The following ITGAE variants were observed in gnomAD, a reference collection of about 807,000 sequenced individuals.
The protein encoded by ITGAE is integrin alpha-E.
ITGAE carries 99 observed loss-of-function variants against 136.5 expected under a neutral mutation model. That is an observed-to-expected ratio of 0.73 (90% CI 0.62 to 0.86). ITGAE has a LOEUF of 0.86. Ranked by LOEUF, ITGAE falls within the 40% of genes least tolerant of loss-of-function variation. The pLI, the probability that ITGAE is intolerant of heterozygous loss-of-function variation, is 0.00. For missense variants in ITGAE, 1,447 were observed against 1,515.3 expected, an observed-to-expected ratio of 0.95 and a Z score of 0.75; for synonymous variants, 613 against 591.8, an observed-to-expected ratio of 1.04 and a Z score of -0.52.
At chr17:3,760,949 G>C in intron 6 of ITGAE, 64 bp downstream of exon 6, 1 of 1,547,184 alleles carries the variant, frequency 6.5e-7, no homozygotes, top group Non-Finnish European at 8.7e-7. Flanking sequence ...CTCACCCTTG[G>C]AGGCCACCAG....
intron 15 of ITGAE, among the ~76,000 whole-genome samples, chr17:3,750,803 G>A (rs975784399): frequency 8.6e-5 from 13 of 152,014 alleles, no homozygotes; most frequent in African/African-American, 3.1e-4. Context: ...TTGATGTGGG[G>A]CTTGGGGATG....
chr17:3,733,825 T>C (rs1278214830), intron 21 of ITGAE, among the ~76,000 whole-genome samples: 2 of 152,210 alleles, frequency 1.3e-5, no homozygotes, highest in Non-Finnish European at 2.9e-5. Context: ...AGTCCTGTTT[T>C]GATGGTAAAG....
chr17:3,757,647 C>T, intron 9 of ITGAE, 59 bp downstream of exon 9: 1 of 1,583,458 alleles, frequency 6.3e-7, no homozygotes, highest in Non-Finnish European at 8.6e-7. Flanking sequence ...ACAACCCTGG[C>T]TTCTCCCCAC....
intron 10 of ITGAE, 62 bp from the exon 11 acceptor site, chr17:3,755,959 G>T: frequency 6.7e-7 from 1 of 1,500,256 alleles, no homozygotes; most frequent in South Asian, 1.2e-5. Flanking sequence ...AACTGAGTCA[G>T]GGGACAGTCC....
At chr17:3,790,884 G>C (rs1049506142) in intron 1 of ITGAE, among the ~76,000 whole-genome samples, 2 of 152,112 alleles carry the variant, frequency 1.3e-5, no homozygotes, top group African/African-American at 4.8e-5. Context: ...GCCGGGCATG[G>C]TGGCTCACGC....
At chr17:3,725,227 G>A in intron 26 of ITGAE, 1 of 1,614,168 alleles carries the variant, frequency 6.2e-7, no homozygotes, top group Non-Finnish European at 8.5e-7. Flanking sequence ...AGAACAAGTG[G>A]TGCTCCGTCC....
chr17:3,756,359 A>G (rs1224298718), intron 10 of ITGAE, among the ~76,000 whole-genome samples: 1 of 149,534 alleles, frequency 6.7e-6, no homozygotes, highest in African/African-American at 2.5e-5. Flanking sequence ...TAGCTTCCCA[A>G]GTAGCTGGGA....
At chr17:3,767,091 CTTT>C (rs774955924) in intron 2 of ITGAE, among the ~76,000 whole-genome samples, 3 of 142,470 alleles carry the variant, frequency 2.1e-5, no homozygotes, top group Non-Finnish European at 3.1e-5. Flanking sequence ...TCTCCAAATT[CTTT>C]TTTTTTTTTT....
intron 14 of ITGAE, among the ~76,000 whole-genome samples, chr17:3,752,760 A>C (rs1340065855): frequency 6.6e-6 from 1 of 151,688 alleles, no homozygotes; most frequent in Admixed American, 6.6e-5. Context: ...CGGAAAAAAA[A>C]AAAAAAATGC....
Position 3,750,424 on chromosome 17 carries a change from C to T in ITGAE, c.1952G>A (p.Gly651Asp), listed in dbSNP as rs199628689. 2.7e-5 allele frequency: 43 copies of T among 1,614,238 alleles called. No homozygotes were observed. The highest frequency in any genetic ancestry group is 3.6e-5 in the Non-Finnish European group (42 of 1,180,052). Residue 651 changes from glycine to aspartate, a missense_variant, in exon 16 of 31, where the codon GGT becomes GAT. Transcript: ENST00000263087. The part of the protein sequence containing the change: ...GLQYFGMSMA[G>D]GFDISGDGLA... The stretch of plus-strand genomic sequence containing the variant: ...GCCGTCGCCACTAATATCAAAGCCA[C>T]CAGCCATGGACATGCCGAAGTACTG...
chr17:3,717,075 C>T (rs2293882), intron 29 of ITGAE: 139,145 of 324,734 alleles, frequency 0.43, 33,291 homozygotes, highest in South Asian at 0.59. Context: ...GTTAAAGATG[C>T]TCTGACAGCT....
At chr17:3,721,031 T>G (rs1165371859) in intron 28 of ITGAE, among the ~76,000 whole-genome samples, 3 of 152,030 alleles carry the variant, frequency 2.0e-5, no homozygotes, top group African/African-American at 7.2e-5. Context: ...CAGGCTCAAG[T>G]GATCCTCCCA....
In ITGAE at chr17:3,724,694, C is replaced by T. The variant is rs755108075; in HGVS notation, c.3085-950G>A. 11 of 1,614,180 alleles carry T rather than the reference C, an allele frequency of 6.8e-6. No homozygotes were observed. The East Asian group carries it at 1.8e-4, about 26-fold the overall frequency. ...TCTTTGGCCTTATGAACTCAGGAAC[C>T]CCTGAGGATTCTGAGTTTCGGGCAG... On this transcript the variant is annotated intron_variant, in intron 26 of 30. Coordinates refer to ENST00000263087, the MANE Select transcript of ITGAE (RefSeq NM_002208.5).
intron 8 of ITGAE, 81 bp downstream of exon 8, chr17:3,759,321 C>A: frequency 6.6e-7 from 1 of 1,522,908 alleles, no homozygotes; most frequent in South Asian, 1.2e-5. Context: ...TCCTGCGGTT[C>A]TGGCCAGCCA....
intron 19 of ITGAE, 112 bp from the exon 20 acceptor site, chr17:3,739,990 A>G: frequency 1.2e-6 from 1 of 808,738 alleles, no homozygotes; most frequent in Non-Finnish European, 2.2e-6. Context: ...GCTCACCCTG[A>G]GAAGTGCAGT....
intron 15 of ITGAE, among the ~76,000 whole-genome samples, chr17:3,751,070 G>A (rs1225429262): frequency 6.6e-6 from 1 of 151,988 alleles, no homozygotes; most frequent in African/African-American, 2.4e-5. Flanking sequence ...GACTGTCTGA[G>A]GTTTCCGGTG....
chr17:3,722,936 C>A (rs1031462253), intron 28 of ITGAE, among the ~76,000 whole-genome samples: 4 of 152,182 alleles, frequency 2.6e-5, no homozygotes, highest in African/African-American at 9.7e-5. Flanking sequence ...GTTATTGCAA[C>A]AGCCCTGGCA....
Position 3,796,775 on chromosome 17 carries a change from C to A in ITGAE, c.34+4336G>T, listed in dbSNP as rs373943134. ...TCTCCCCTCAACCCTCTGTCTCCCCCAGCACACCGGGCAATTTCAACTCAC... is the reference window on the plus strand; with the variant it reads ...TCTCCCCTCAACCCTCTGTCTCCCCAAGCACACCGGGCAATTTCAACTCAC... On this transcript the variant is annotated intron_variant, in intron 1 of 30. Transcript: ENST00000263087. Among the ~76,000 whole-genome samples, 28 of 152,268 alleles carry A rather than the reference C, an allele frequency of 1.8e-4. No homozygotes were observed. In the East Asian group the frequency reaches 3.7e-3, roughly 20 times the overall value.
chr17:3,776,992 G>T (rs561530193), intron 2 of ITGAE, among the ~76,000 whole-genome samples: 3 of 139,840 alleles, frequency 2.1e-5, no homozygotes, highest in Non-Finnish European at 4.5e-5. Flanking sequence ...ACGGAGTCTC[G>T]CTCTGTCGCC....
Sources: gnomAD v4.1 joint callset for allele counts (sites outside exome capture counted in the v4.1 genomes callset) on GRCh38, gnomAD v4.1.1 for gene constraint, MANE v1.5 for transcripts, NCBI Gene and HGNC (gene_info 2026-07-23, HGNC 2026-07-21) for gene names.